PDZRN4: variants seen among roughly 807,000 people sequenced by gnomAD.
PDZRN4 encodes the protein PDZ domain-containing RING finger protein 4.
In PDZRN4, 70 loss-of-function variants were observed where a neutral mutation model predicts 99.0. The observed-to-expected ratio is 0.71, with a 90% CI of 0.58 to 0.86. The LOEUF (loss-of-function observed/expected upper bound fraction) is 0.86. Among genes scored for constraint, PDZRN4 ranks in the 40% least tolerant of loss-of-function variants. PDZRN4 has a pLI of 0.00. For missense variants in PDZRN4, 1,474 were observed against 1,331.2 expected (o/e 1.11, Z -1.67); for synonymous variants, 551 against 501.6 (o/e 1.10, Z -1.32).
At chr12:41,408,627 T>A (rs1417009150) in intron 3 of PDZRN4, among the ~76,000 whole-genome samples, 1 of 152,222 alleles carries the variant, frequency 6.6e-6, no homozygotes, top group Non-Finnish European at 1.5e-5. Flanking sequence ...TGCTGAAGAC[T>A]TTGGAAATCG....
chr12:41,528,407 A>T (rs1179930225), intron 5 of PDZRN4, among the ~76,000 whole-genome samples: 1 of 152,148 alleles, frequency 6.6e-6, no homozygotes, highest in East Asian at 1.9e-4. Flanking sequence ...TTTTCTCTTT[A>T]CAAATGAGAT....
At chr12:41,530,085 G>A (rs897458443) in intron 5 of PDZRN4, among the ~76,000 whole-genome samples, 2 of 151,846 alleles carry the variant, frequency 1.3e-5, no homozygotes, top group Admixed American at 6.6e-5. Flanking sequence ...TTAGAACAAC[G>A]GCATAAGACT....
At chr12:41,449,483 G>C (rs1321827761) in intron 3 of PDZRN4, among the ~76,000 whole-genome samples, 1 of 152,162 alleles carries the variant, frequency 6.6e-6, no homozygotes, top group Non-Finnish European at 1.5e-5. Context: ...TGATGAAGGT[G>C]ACACAATAGC....
intron 3 of PDZRN4, among the ~76,000 whole-genome samples, chr12:41,237,736 A>G (rs563473201): frequency 3.9e-4 from 59 of 152,252 alleles, no homozygotes; most frequent in African/African-American, 1.4e-3. Flanking sequence ...TCCTTTCTCC[A>G]TTGCTTGTTT....
intron 3 of PDZRN4, among the ~76,000 whole-genome samples, chr12:41,246,933 C>G (rs1161288330): frequency 6.6e-6 from 1 of 152,084 alleles, no homozygotes; most frequent in Non-Finnish European, 1.5e-5. Context: ...TGTATTGAGT[C>G]TTCGGCTAGG....
chr12:41,209,704 C>T (rs1950875671), intron 3 of PDZRN4, among the ~76,000 whole-genome samples: 1 of 150,160 alleles, frequency 6.7e-6, no homozygotes. Context: ...GCATAGTATT[C>T]CATGGTGTAT....
chr12:41,467,885 A>G, intron 3 of PDZRN4, among the ~76,000 whole-genome samples: 1 of 152,212 alleles, frequency 6.6e-6, no homozygotes, highest in East Asian at 1.9e-4. Context: ...TTGGTAAACT[A>G]GTTGCTATTC....
intron 3 of PDZRN4, among the ~76,000 whole-genome samples, chr12:41,268,968 A>C (rs1328340952): frequency 6.6e-6 from 1 of 152,164 alleles, no homozygotes; most frequent in African/African-American, 2.4e-5. Context: ...TATAGTAACC[A>C]CCAATCATAA....
intron 3 of PDZRN4, among the ~76,000 whole-genome samples, chr12:41,337,243 A>G (rs549331022): frequency 6.6e-6 from 1 of 152,178 alleles, no homozygotes; most frequent in Admixed American, 6.5e-5. Flanking sequence ...TTCCTCAGTT[A>G]TAATTGTGCA....
At chr12:41,475,048 C>T (rs1351714984) in intron 3 of PDZRN4, among the ~76,000 whole-genome samples, 1 of 152,110 alleles carries the variant, frequency 6.6e-6, no homozygotes, top group Non-Finnish European at 1.5e-5. Flanking sequence ...TACTTATATT[C>T]AATAGTGTGG....
At chr12:41,198,266 C>A (rs868685881) in intron 3 of PDZRN4, among the ~76,000 whole-genome samples, 1 of 151,930 alleles carries the variant, frequency 6.6e-6, no homozygotes, top group Non-Finnish European at 1.5e-5. Flanking sequence ...AACCATAACT[C>A]CAGAGTGGGA....
chr12:41,280,994 G>A (rs963737665), intron 3 of PDZRN4, among the ~76,000 whole-genome samples: 1 of 152,146 alleles, frequency 6.6e-6, no homozygotes, highest in Non-Finnish European at 1.5e-5. Context: ...GTTCCCCTCT[G>A]GGACAAAGCT....
At chr12:41,257,260 A>G (rs1048537322) in intron 3 of PDZRN4, among the ~76,000 whole-genome samples, 2 of 152,212 alleles carry the variant, frequency 1.3e-5, no homozygotes, top group African/African-American at 4.8e-5. Context: ...AGCAGGTTAG[A>G]TTCAGGTGAT....
At chr12:41,523,735 T>G (rs770118686) in intron 5 of PDZRN4, among the ~76,000 whole-genome samples, 6 of 152,094 alleles carry the variant, frequency 3.9e-5, no homozygotes, top group Non-Finnish European at 7.4e-5. Context: ...ACAGACAGAA[T>G]AGCCAAAGAA....
chr12:41,408,216 A>G (rs146950557), intron 3 of PDZRN4, among the ~76,000 whole-genome samples: 224 of 152,388 alleles, frequency 1.5e-3, no homozygotes, highest in African/African-American at 5.0e-3. Context: ...TTTGTATTCT[A>G]TAAAGAAAGG....
At chr12:41,402,187 A>G (rs1448893831) in intron 3 of PDZRN4, among the ~76,000 whole-genome samples, 1 of 103,228 alleles carries the variant, frequency 9.7e-6, no homozygotes, top group African/African-American at 4.5e-5. Flanking sequence ...GTATATATAT[A>G]TATACACACA....
chr12:41,409,302 A>C (rs1952375076), intron 3 of PDZRN4, among the ~76,000 whole-genome samples: 1 of 152,006 alleles, frequency 6.6e-6, no homozygotes, highest in African/African-American at 2.4e-5. Flanking sequence ...ATAGTTATTG[A>C]GTCTTGACCA....
chr12:41,351,411 C>T (rs532277858), intron 3 of PDZRN4, among the ~76,000 whole-genome samples: 16 of 152,168 alleles, frequency 1.1e-4, no homozygotes, highest in African/African-American at 3.4e-4. Flanking sequence ...CGTTCTTGCA[C>T]TGCTATGAAG....
intron 3 of PDZRN4, among the ~76,000 whole-genome samples, chr12:41,502,121 C>T (rs1313410288): frequency 6.6e-6 from 1 of 152,030 alleles, no homozygotes; most frequent in Non-Finnish European, 1.5e-5. Context: ...AATGTGTCTG[C>T]TTTTTCATTT....
Sources: allele counts gnomAD v4.1 joint callset (sites outside exome capture counted in the v4.1 genomes callset), GRCh38; gene constraint gnomAD v4.1.1; transcripts MANE v1.5; gene names NCBI Gene and HGNC (gene_info 2026-07-23, HGNC 2026-07-21).